Variants in CDH8 observed in about 807,000 individuals in gnomAD.
CDH8 encodes cadherin-8.
Under a neutral mutation model 68.1 loss-of-function variants are expected in CDH8, and 17 were observed. The ratio of observed to expected loss-of-function variants is 0.25; its 90% confidence interval spans 0.17 to 0.37. The LOEUF is 0.37. Among genes scored for constraint, CDH8 ranks in the 10% least tolerant of loss-of-function variants. The pLI is 1.00. For synonymous variants in CDH8, 372 were observed against 365.1 expected, an observed-to-expected ratio of 1.02 and a Z score of -0.21; for missense variants, 763 against 999.3, an observed-to-expected ratio of 0.76 and a Z score of 3.19.
At chr16:61,943,678 T>A (rs142107505) in intron 2 of CDH8, among the ~76,000 whole-genome samples, 73 of 152,346 alleles carry the variant, frequency 4.8e-4, no homozygotes, top group African/African-American at 1.7e-3. Flanking sequence ...ATGTACTGTG[T>A]TAACTTTGGA....
chr16:61,960,011 T>TACAC (rs1965073814), intron 2 of CDH8, among the ~76,000 whole-genome samples: 1 of 82,452 alleles, frequency 1.2e-5, no homozygotes, highest in African/African-American at 8.5e-5. Flanking sequence ...TATATATATA[T>TACAC]ATATACACAC....
chr16:61,820,676 T>C (rs1161471937), intron 6 of CDH8, among the ~76,000 whole-genome samples: 2 of 151,972 alleles, frequency 1.3e-5, no homozygotes, highest in Non-Finnish European at 2.9e-5. Context: ...CCTGTGGTTA[T>C]GGGTAATAGG....
At chr16:61,789,676 A>G (rs1190372836) in intron 7 of CDH8, among the ~76,000 whole-genome samples, 194 bp from the exon 8 acceptor site, 1 of 152,118 alleles carries the variant, frequency 6.6e-6, no homozygotes, top group Non-Finnish European at 1.5e-5. Context: ...TCCAAGGAGC[A>G]ATTAGCTACA....
At chr16:61,672,811 A>G (rs1963824943) in intron 10 of CDH8, among the ~76,000 whole-genome samples, 1 of 152,110 alleles carries the variant, frequency 6.6e-6, no homozygotes, top group Admixed American at 6.6e-5. Context: ...AAGAGTTCTC[A>G]GAATGAAATA....
intron 8 of CDH8, among the ~76,000 whole-genome samples, chr16:61,750,181 T>C (rs1168509050): frequency 6.6e-6 from 1 of 152,104 alleles, no homozygotes; most frequent in African/African-American, 2.4e-5. Context: ...TCTGTTCCTG[T>C]GTTCATTTGC....
At chr16:61,940,215 G>C (rs1407397144) in intron 2 of CDH8, 1 of 151,828 alleles carries the variant, frequency 6.6e-6, no homozygotes, top group African/African-American at 2.4e-5. Context: ...TACGTCGAAT[G>C]CTGCACATCA....
At chr16:61,767,593 T>C (rs554131246) in intron 8 of CDH8, among the ~76,000 whole-genome samples, 1 of 152,098 alleles carries the variant, frequency 6.6e-6, no homozygotes, top group African/African-American at 2.4e-5. Context: ...AAAGTTATTC[T>C]TCTCTGGCAA....
intron 2 of CDH8, among the ~76,000 whole-genome samples, chr16:61,913,762 C>A (rs894802525): frequency 6.6e-6 from 1 of 152,012 alleles, no homozygotes; most frequent in Non-Finnish European, 1.5e-5. Context: ...AGATCTTTCA[C>A]ACATAAATAA....
chr16:61,983,138 C>T (rs1016600350), intron 2 of CDH8, among the ~76,000 whole-genome samples: 1 of 152,168 alleles, frequency 6.6e-6, no homozygotes, highest in African/African-American at 2.4e-5. Flanking sequence ...CCCTGTCTTT[C>T]ACCAATAAAG....
intron 2 of CDH8, among the ~76,000 whole-genome samples, chr16:62,016,030 T>C (rs1901931041): frequency 6.6e-6 from 1 of 152,180 alleles, no homozygotes; most frequent in Non-Finnish European, 1.5e-5. Flanking sequence ...CATATAGCCT[T>C]GAACATGCTA....
At position 61,652,971 on chromosome 16, in the gene CDH8, G is replaced by A; in HGVS notation, c.*637C>T. 6.6e-7 allele frequency: 1 copy of A among 1,505,170 alleles called. No homozygotes were observed. Among genetic ancestry groups the A allele is most frequent in the Non-Finnish European group, 8.8e-7 (1 of 1,132,782 alleles). The allele number at this position is 1,505,170 out of a possible 1,614,324, so 93.2% of individuals were successfully genotyped here. ...AATTGGCAAGCCCCACCCTGGAATG[G>A]ATTACGAACATGTGAATATTTTAAG... is the stretch of plus-strand genomic sequence containing the variant. On this transcript the variant is annotated 3_prime_UTR_variant, in exon 12 of 12. Transcript: ENST00000577390.
At chr16:61,930,156 G>A (rs114631489) in intron 2 of CDH8, among the ~76,000 whole-genome samples, 132 of 152,116 alleles carry the variant, frequency 8.7e-4, no homozygotes, top group Middle Eastern at 3.4e-3. Flanking sequence ...ATTATCCAGT[G>A]CCAAGAGTAA....
chr16:61,745,271 G>T (rs1959989722), intron 8 of CDH8, among the ~76,000 whole-genome samples: 1 of 151,126 alleles, frequency 6.6e-6, no homozygotes, highest in Non-Finnish European at 1.5e-5. Context: ...TAATTTTTTG[G>T]GTTAATTTTA....
At chr16:61,814,715 C>T (rs1962034634) in intron 7 of CDH8, among the ~76,000 whole-genome samples, 1 of 152,128 alleles carries the variant, frequency 6.6e-6, no homozygotes, top group Non-Finnish European at 1.5e-5. Context: ...CCTGAATATC[C>T]ATATCCTCTG....
rs1491563529 is a variant in CDH8, at chr16:61,960,347, A to ATACACATACATATATACG, written c.253-58875_253-58874insCGTATATATGTATGTGTA. Reference sequence around the variant, plus strand: ...TGTGTGTGTATACACACATATATACATGTGTGTGTGTATACACATACATAT... The same window carrying ATACACATACATATATACG: ...TGTGTGTGTATACACACATATATACATACACATACATATATACGTGTGTGTGTGTATACACATACATAT... On this transcript the variant is annotated intron_variant, in intron 2 of 11. Coordinates refer to ENST00000577390, the MANE Select transcript of CDH8 (RefSeq NM_001796.5). Among the ~76,000 whole-genome samples, 103 of 26,600 alleles carry ATACACATACATATATACG rather than the reference A, an allele frequency of 3.9e-3. 24 individuals are homozygous for ATACACATACATATATACG. Among genetic ancestry groups the ATACACATACATATATACG allele is most frequent in the Admixed American group, 5.7e-3 (15 of 2,638 alleles). 17.5% of individuals were successfully genotyped at this position (26,600 alleles called of 152,430 possible).
chr16:61,903,380 G>C (rs967620386), intron 2 of CDH8, among the ~76,000 whole-genome samples: 1 of 152,224 alleles, frequency 6.6e-6, no homozygotes, highest in Non-Finnish European at 1.5e-5. Flanking sequence ...CTGGAGTGCA[G>C]TGACGCGATC....
chr16:61,684,934 C>G (rs536933228), intron 10 of CDH8, among the ~76,000 whole-genome samples: 17 of 152,038 alleles, frequency 1.1e-4, no homozygotes, highest in African/African-American at 3.6e-4. Context: ...TAATTCTACT[C>G]CTTCTCTCTC....
At chr16:61,855,296 T>A (rs1407631821) in intron 4 of CDH8, among the ~76,000 whole-genome samples, 1 of 152,190 alleles carries the variant, frequency 6.6e-6, no homozygotes, top group African/African-American at 2.4e-5. Flanking sequence ...ATTAAACAAA[T>A]GGCAATCTAT....
intron 10 of CDH8, among the ~76,000 whole-genome samples, chr16:61,675,780 TG>T (rs1963895515): frequency 6.6e-6 from 1 of 151,526 alleles, no homozygotes; most frequent in African/African-American, 2.4e-5. Flanking sequence ...ATTATTACAT[TG>T]TAAGAAATAT....
Sources: allele counts gnomAD v4.1 joint callset (sites outside exome capture counted in the v4.1 genomes callset), GRCh38; gene constraint gnomAD v4.1.1; transcripts MANE v1.5; gene names NCBI Gene and HGNC (gene_info 2026-07-23, HGNC 2026-07-21).